Variants in HUWE1 observed in about 807,000 individuals in gnomAD.
HUWE1 encodes HECT, UBA and WWE domain containing E3 ubiquitin protein ligase 1.
In HUWE1, 18 loss-of-function variants were observed where a neutral mutation model predicts 299.4. That is an observed-to-expected ratio of 0.06 (90% CI 0.04 to 0.09). The LOEUF is 0.09. Among genes scored for constraint, HUWE1 ranks in the 10% least tolerant of loss-of-function variants. The probability of loss-of-function intolerance (pLI) is 1.00; values close to 1 mark genes in which losing one functional copy is unlikely to be tolerated. For synonymous variants in HUWE1, 1,317 were observed against 1,286.1 expected (o/e 1.02, Z -0.51); for missense variants, 1,832 against 3,462.3 (o/e 0.53, Z 11.82).
At chrX:53,681,906 T>G (rs973604365) in intron 2 of HUWE1, among the ~76,000 whole-genome samples, 1 of 111,793 alleles carries the variant, frequency 8.9e-6, no homozygotes, top group African/African-American at 3.3e-5. Flanking sequence ...TGGTGGTCAT[T>G]CCAGGATAGT....
chrX:53,603,235 C>A, intron 27 of HUWE1, 133 bp downstream of exon 27: 1 of 597,954 alleles, frequency 1.7e-6, no homozygotes, highest in Non-Finnish European at 2.7e-6. Flanking sequence ...CATCAAGTTC[C>A]TAGGCTGGGA....
At chrX:53,600,096 A>C in intron 29 of HUWE1, 22 bp downstream of exon 29, 1 of 1,177,302 alleles carries the variant, frequency 8.5e-7, no homozygotes, top group Non-Finnish European at 1.2e-6. Context: ...CAGAAAAGGT[A>C]GGAGAAAGGA....
chrX:53,646,900 C>T (rs1557036429), intron 6 of HUWE1, among the ~76,000 whole-genome samples: 1 of 111,901 alleles, frequency 8.9e-6, no homozygotes, highest in Non-Finnish European at 1.9e-5. Context: ...CCTTACTCTT[C>T]AAGGACACAA....
chrX:53,575,175 G>A lies in HUWE1; in HGVS notation c.6077C>T (p.Ser2026Phe). The A allele has an allele frequency of 8.3e-7, 1 of 1,204,562 alleles. No individual in the cohort carries two copies. Among genetic ancestry groups the A allele is most frequent in the Non-Finnish European group, 1.1e-6 (1 of 889,530 alleles). ...ADGASTETSA[S>F]GTSQGEASTP... ...ATTACCCTCTCCTTGGGAGGTCCCA[G>A]ATGCGGAAGTCTCAGTGGAGGCACC... Residue 2026 changes from serine to phenylalanine, a missense_variant, in exon 46 of 84, where the codon TCT becomes TTT. Coordinates refer to ENST00000262854, the MANE Select transcript of HUWE1 (RefSeq NM_031407.7).
chrX:53,681,495 G>T (rs919705678), intron 2 of HUWE1, among the ~76,000 whole-genome samples: 1 of 109,247 alleles, frequency 9.2e-6, no homozygotes, highest in South Asian at 3.9e-4. Context: ...TGTTTAATAA[G>T]TACGTTAGAA....
At chrX:53,620,659 C>T (rs1375540409) in intron 19 of HUWE1, among the ~76,000 whole-genome samples, 4 of 111,682 alleles carry the variant, frequency 3.6e-5, no homozygotes, top group Non-Finnish European at 7.5e-5. Context: ...TCTCTTTTGC[C>T]GATTGCCTTA....
intron 2 of HUWE1, among the ~76,000 whole-genome samples, chrX:53,685,452 G>A (rs1357779467): frequency 9.0e-6 from 1 of 111,669 alleles, no homozygotes; most frequent in Non-Finnish European, 1.9e-5. Flanking sequence ...ATTTTTATTC[G>A]TTTCTCTTGC....
At chrX:53,594,934 A>G (rs964390281) in intron 30 of HUWE1, among the ~76,000 whole-genome samples, 3 of 111,817 alleles carry the variant, frequency 2.7e-5, no homozygotes, top group African/African-American at 9.8e-5. Flanking sequence ...TCTGGCCCCA[A>G]GCATTTTGGA....
chrX:53,618,095 CAA>C (rs1262216368), intron 19 of HUWE1, among the ~76,000 whole-genome samples: 1 of 111,621 alleles, frequency 9.0e-6, no homozygotes, highest in Non-Finnish European at 1.9e-5. Flanking sequence ...AAACTCTACT[CAA>C]GAGGAAATAG....
At chrX:53,570,368 C>T (rs781799166) in intron 47 of HUWE1, among the ~76,000 whole-genome samples, 2 of 112,684 alleles carry the variant, frequency 1.8e-5, no homozygotes, top group African/African-American at 3.2e-5. Flanking sequence ...ATTTGATAAG[C>T]GGTAATCTGA....
intron 43 of HUWE1, among the ~76,000 whole-genome samples, chrX:53,577,692 T>TG (rs1491407981): frequency 5.9e-5 from 1 of 17,044 alleles, no homozygotes; most frequent in Non-Finnish European, 1.8e-4. Context: ...CTGGTTTTCG[T>TG]TTTTTTTTTT....
chrX:53,535,622 C>T lies in HUWE1; in HGVS notation c.12532-121G>A. 1.5e-5 allele frequency: 8 copies of T among 540,088 alleles called. No individual in the cohort carries two copies. In the South Asian group the frequency reaches 1.9e-4, roughly 13 times the overall value. 44.5% of individuals were successfully genotyped at this position (540,088 alleles called of 1,213,427 possible). On this transcript the variant is annotated intron_variant, in intron 80 of 83. Coordinates refer to ENST00000262854, the MANE Select transcript of HUWE1 (RefSeq NM_031407.7). The stretch of plus-strand genomic sequence containing the variant: ...GGCAGAGAGATGAGGCAAGTCCATA[C>T]AAAACAGTGACTTTTTCTACTACTC...
intron 83 of HUWE1, 114 bp from the exon 84 acceptor site, chrX:53,533,525 C>T (rs2060858063): frequency 1.1e-5 from 6 of 541,064 alleles, no homozygotes; most frequent in Non-Finnish European, 2.0e-5. Context: ...CTCCCTGCTT[C>T]TTGATGACTC....
Position 53,602,548 on chromosome X carries a change from A to G in HUWE1, c.2971+16T>C. ...ACTTAGAAGTAATGACTAACATTTT[A>G]GTTTCTTAGAGTTACCTGATCTTTT... On this transcript the variant is annotated intron_variant, in intron 28 of 83. Transcript: ENST00000262854. 6 of 969,268 alleles carry G rather than the reference A, an allele frequency of 6.2e-6. No homozygotes were observed. Among genetic ancestry groups the G allele is most frequent in the Non-Finnish European group, 8.9e-6 (6 of 676,136 alleles). 79.9% of individuals were successfully genotyped at this position (969,268 alleles called of 1,213,427 possible). A position where few individuals can be genotyped will look rare whatever the true frequency, so the allele number is the denominator to read the frequency against.
At chrX:53,655,763 C>T (rs1004790288) in intron 3 of HUWE1, among the ~76,000 whole-genome samples, 2 of 111,723 alleles carry the variant, frequency 1.8e-5, no homozygotes, top group African/African-American at 3.3e-5. Flanking sequence ...GCCCCTGCTG[C>T]AAGACGTAGC....
At chrX:53,618,060 T>C (rs1025483307) in intron 19 of HUWE1, among the ~76,000 whole-genome samples, 1 of 112,056 alleles carries the variant, frequency 8.9e-6, no homozygotes, top group African/African-American at 3.2e-5. Context: ...CAGTAATAAC[T>C]ACCAAAGCTT....
At position 53,600,194 on chromosome X, in the gene HUWE1, A is replaced by C. The variant is rs1288123926; in HGVS notation, c.3087T>G (p.Ala1029=). 1 of 1,209,139 alleles carries C rather than the reference A, an allele frequency of 8.3e-7. No individual in the cohort carries two copies. The highest frequency in any genetic ancestry group is 1.7e-5 in the African/African-American group (1 of 57,238). ...LAPMETDEPT[A]SDSKGKSKIT... ...TTTTAGATTTGCCCTTAGAGTCTGAAGCAGTAGGTTCATCTGTCTCCATGG... is the reference window on the plus strand; with the variant it reads ...TTTTAGATTTGCCCTTAGAGTCTGACGCAGTAGGTTCATCTGTCTCCATGG... Residue 1029 remains alanine, a synonymous_variant, in exon 29 of 84, where the codon GCT becomes GCG. Transcript: ENST00000262854.
intron 73 of HUWE1, among the ~76,000 whole-genome samples, chrX:53,543,212 G>T (rs2061422224): frequency 9.0e-6 from 1 of 110,648 alleles, no homozygotes; most frequent in Admixed American, 9.7e-5. Context: ...ATCTTGGAAA[G>T]GTAACTTACA....
chrX:53,548,076 C>T lies in HUWE1; in HGVS notation c.10233G>A (p.Val3411=). Residue 3411 remains valine, a synonymous_variant, in exon 68 of 84, where the codon GTG becomes GTA. Transcript: ENST00000262854. ...SRKGKNSVKS[V]PVSAGGEGET... ...CCCCCTCACCGCCAGCGCTCACTGG[C>T]ACTGACTTCACGGAGTTCTTGCCTT... 8.3e-7 allele frequency: 1 copy of T among 1,209,230 alleles called. No individual in the cohort carries two copies. Among genetic ancestry groups the T allele is most frequent in the Non-Finnish European group, 1.1e-6 (1 of 894,148 alleles).
Sources: gnomAD v4.1 joint callset for allele counts (sites outside exome capture counted in the v4.1 genomes callset) on GRCh38, gnomAD v4.1.1 for gene constraint, MANE v1.5 for transcripts, NCBI Gene and HGNC (gene_info 2026-07-23, HGNC 2026-07-21) for gene names.